The following CNTNAP2 variants were observed in gnomAD, a reference collection of about 807,000 sequenced individuals.
The protein encoded by CNTNAP2 is contactin associated protein 2.
In CNTNAP2, 98 loss-of-function variants were observed where a neutral mutation model predicts 155.2. That is an observed-to-expected ratio of 0.63 (90% CI 0.54 to 0.75). CNTNAP2 has a LOEUF of 0.75. CNTNAP2 is among the 30% of genes least tolerant of loss of function. The pLI is 0.00. For missense variants in CNTNAP2, 1,727 were observed against 1,688.1 expected (o/e 1.02, Z -0.40); for synonymous variants, 651 against 631.2 (o/e 1.03, Z -0.47).
intron 15 of CNTNAP2, among the ~76,000 whole-genome samples, chr7:148,108,398 G>A (rs1804270169): frequency 1.3e-5 from 2 of 151,922 alleles, no homozygotes; most frequent in Non-Finnish European, 2.9e-5. Context: ...TGAAGAGATA[G>A]GGAGTACAGA....
chr7:146,491,518 T>A (rs929115911), intron 1 of CNTNAP2, among the ~76,000 whole-genome samples: 1 of 152,118 alleles, frequency 6.6e-6, no homozygotes, highest in African/African-American at 2.4e-5. Flanking sequence ...AGCTGCAGTG[T>A]CAAGAGACTG....
chr7:146,415,956 G>A (rs1364522260), intron 1 of CNTNAP2, among the ~76,000 whole-genome samples: 1 of 151,742 alleles, frequency 6.6e-6, no homozygotes, highest in Non-Finnish European at 1.5e-5. Context: ...TTATCCAATT[G>A]TATTTTAAAG....
chr7:147,895,137 C>A (rs2116737001), intron 13 of CNTNAP2, among the ~76,000 whole-genome samples: 1 of 151,488 alleles, frequency 6.6e-6, no homozygotes, highest in African/African-American at 2.4e-5. Context: ...CCACAGCTGG[C>A]TAATTTTTGT....
intron 10 of CNTNAP2, among the ~76,000 whole-genome samples, chr7:147,440,075 G>A (rs932645437): frequency 4.6e-5 from 7 of 151,808 alleles, no homozygotes; most frequent in African/African-American, 1.7e-4. Context: ...GTTATTATTG[G>A]TAAGTAAAGA....
chr7:146,763,512 T>C (rs1304953672), intron 1 of CNTNAP2, among the ~76,000 whole-genome samples: 1 of 152,192 alleles, frequency 6.6e-6, no homozygotes, highest in African/African-American at 2.4e-5. Flanking sequence ...GTCCCCCAAC[T>C]GTAGGCACTC....
At chr7:148,152,926 C>T (rs1170591949) in intron 17 of CNTNAP2, among the ~76,000 whole-genome samples, 2 of 137,662 alleles carry the variant, frequency 1.5e-5, no homozygotes, top group East Asian at 4.4e-4. Context: ...GAGGCTGAGG[C>T]AGAAGAATGG....
In CNTNAP2 at chr7:148,365,793, T is replaced by C. The variant is rs532904123; in HGVS notation, c.3476-17856T>C. Reference sequence around the variant, plus strand: ...GTATACATGTATGTGTATGCATGTATACATGCATGTGTATGCATGTATACA... The same window carrying C: ...GTATACATGTATGTGTATGCATGTACACATGCATGTGTATGCATGTATACA... On this transcript the variant is annotated intron_variant, in intron 21 of 23. Transcript: ENST00000361727. Among the ~76,000 whole-genome samples the C allele has an allele frequency of 7.7e-4, 86 of 111,824 alleles. 13 individuals are homozygous for C. The highest frequency in any genetic ancestry group is 3.0e-3 in the African/African-American group (86 of 29,054). The allele number at this position is 111,824 out of a possible 152,430, so 73.4% of individuals were successfully genotyped here.
At chr7:147,331,276 A>T (rs1422668110) in intron 9 of CNTNAP2, among the ~76,000 whole-genome samples, 1 of 152,170 alleles carries the variant, frequency 6.6e-6, no homozygotes, top group Non-Finnish European at 1.5e-5. Flanking sequence ...CAAGGATGAT[A>T]ACCAGGATCG....
In CNTNAP2 at chr7:146,257,449, A is replaced by G. The variant is rs139063179; in HGVS notation, c.97+140476A>G. 4.1e-3 allele frequency among the ~76,000 whole-genome samples: 622 copies of G among 152,310 alleles called. 2 individuals carry two copies. Among genetic ancestry groups the G allele is most frequent in the Non-Finnish European group, 7.7e-3 (526 of 68,022 alleles). ...GCCCCAAAATGACTGTTTTACTTAT[A>G]CCTAGGTGTACTTGACTTTCCATTT... On this transcript the variant is annotated intron_variant, in intron 1 of 23. Transcript: ENST00000361727.
intron 19 of CNTNAP2, among the ~76,000 whole-genome samples, chr7:148,220,171 C>T (rs1474870738): frequency 3.3e-5 from 5 of 152,314 alleles, no homozygotes; most frequent in African/African-American, 7.2e-5. Flanking sequence ...GGCATGATCT[C>T]GGCTCACTGC....
intron 1 of CNTNAP2, among the ~76,000 whole-genome samples, chr7:146,438,092 G>C (rs373697224): frequency 6.6e-6 from 1 of 151,240 alleles, no homozygotes; most frequent in East Asian, 1.9e-4. Flanking sequence ...GTTTGCTATC[G>C]AGACGTAATC....
chr7:147,049,239 GTCCAGATAAGAT>G (rs1232998921), intron 4 of CNTNAP2, among the ~76,000 whole-genome samples: 1 of 152,124 alleles, frequency 6.6e-6, no homozygotes, highest in Non-Finnish European at 1.5e-5. Context: ...TACACCAAAT[GTCCAGATAAGAT>G]TCTTTTTCAT....
chr7:148,343,797 T>G (rs1204336437), intron 21 of CNTNAP2, among the ~76,000 whole-genome samples: 1 of 152,238 alleles, frequency 6.6e-6, no homozygotes, highest in East Asian at 1.9e-4. Context: ...AGGAGAATCG[T>G]GTGATTTGCA....
At chr7:146,934,830 A>G (rs1225086031) in intron 3 of CNTNAP2, among the ~76,000 whole-genome samples, 3 of 152,196 alleles carry the variant, frequency 2.0e-5, no homozygotes, top group Non-Finnish European at 4.4e-5. Flanking sequence ...TTGGATAAGG[A>G]TAGACACTGT....
intron 1 of CNTNAP2, among the ~76,000 whole-genome samples, chr7:146,280,334 A>T (rs1800230657): frequency 6.6e-6 from 1 of 152,138 alleles, no homozygotes; most frequent in Non-Finnish European, 1.5e-5. Flanking sequence ...GTTGATACGA[A>T]CTTTTATTTT....
intron 4 of CNTNAP2, among the ~76,000 whole-genome samples, chr7:147,094,987 A>C (rs1471820678): frequency 6.6e-6 from 1 of 151,894 alleles, no homozygotes; most frequent in African/African-American, 2.4e-5. Flanking sequence ...GCTGTGTGCA[A>C]GGGCAACGCA....
chr7:146,870,122 C>T (rs1454796274), intron 3 of CNTNAP2, among the ~76,000 whole-genome samples: 1 of 151,888 alleles, frequency 6.6e-6, no homozygotes, highest in African/African-American at 2.4e-5. Context: ...AGTTCTCCCT[C>T]CTCAATATTT....
chr7:146,832,504 G>A, intron 2 of CNTNAP2, among the ~76,000 whole-genome samples: 1 of 146,970 alleles, frequency 6.8e-6, no homozygotes, highest in Admixed American at 6.8e-5. Flanking sequence ...ATATATAGTG[G>A]TAAATTTTAT....
chr7:146,658,384 C>CA (rs200493732), intron 1 of CNTNAP2, among the ~76,000 whole-genome samples: 65,952 of 139,552 alleles, frequency 0.47, 15,221 homozygotes, highest in Non-Finnish European at 0.53. Flanking sequence ...TGATTTCTGC[C>CA]AAAAAAAAAA....
Sources: allele counts gnomAD v4.1 joint callset (sites outside exome capture counted in the v4.1 genomes callset), GRCh38; gene constraint gnomAD v4.1.1; transcripts MANE v1.5; gene names NCBI Gene and HGNC (gene_info 2026-07-23, HGNC 2026-07-21).